ANO3: variants seen among roughly 807,000 people sequenced by gnomAD.
ANO3 encodes the protein anoctamin-3.
ANO3 carries 99 observed loss-of-function variants against 144.8 expected under a neutral mutation model. The ratio of observed to expected loss-of-function variants is 0.68; its 90% confidence interval spans 0.58 to 0.81. ANO3 has a LOEUF of 0.81. Ranked by LOEUF, ANO3 falls within the 30% of genes least tolerant of loss-of-function variation. The pLI is 0.00. For missense variants in ANO3, 905 were observed against 1,202.2 expected, an observed-to-expected ratio of 0.75 and a Z score of 3.66; for synonymous variants, 414 against 392.6, an observed-to-expected ratio of 1.05 and a Z score of -0.64.
intron 14 of ANO3, among the ~76,000 whole-genome samples, chr11:26,581,070 A>C (rs1294150267): frequency 1.3e-5 from 2 of 152,202 alleles, no homozygotes; most frequent in Non-Finnish European, 2.9e-5. Flanking sequence ...ATTCCAAATT[A>C]TGTTTGAAAT....
At position 26,656,514 on chromosome 11, in the gene ANO3, G is replaced by A. The variant is rs377661483; in HGVS notation, c.2763+33G>A. On this transcript the variant is annotated intron_variant, in intron 26 of 26. Coordinates refer to ENST00000256737, the MANE Select transcript of ANO3 (RefSeq NM_031418.4). The stretch of plus-strand genomic sequence containing the variant: ...ACAAGCTGAGATGAAAATTACTATA[G>A]ATAAATGCTTTTCTAAATGATTTAT... 65 of 1,324,064 alleles carry A rather than the reference G, an allele frequency of 4.9e-5. No homozygotes were observed. The African/African-American group carries it at 7.8e-4, about 16-fold the overall frequency. The allele number at this position is 1,324,064 out of a possible 1,614,324, so 82.0% of individuals were successfully genotyped here.
chr11:26,268,984 G>A (rs1853377649), intron 1 of ANO3, among the ~76,000 whole-genome samples: 4 of 152,274 alleles, frequency 2.6e-5, no homozygotes, highest in East Asian at 3.9e-4. Flanking sequence ...AGTCTTAGGG[G>A]AGGTTCCCTC....
At chr11:26,653,035 TA>T (rs1853580447) in intron 24 of ANO3, among the ~76,000 whole-genome samples, 1 of 152,234 alleles carries the variant, frequency 6.6e-6, no homozygotes, top group African/African-American at 2.4e-5. Flanking sequence ...CTCTCAGCTT[TA>T]GTTTTGGAGT....
intron 14 of ANO3, among the ~76,000 whole-genome samples, chr11:26,584,165 TTG>T (rs965088760): frequency 1.3e-5 from 2 of 151,476 alleles, no homozygotes; most frequent in African/African-American, 4.8e-5. Flanking sequence ...GTTTGTTTGT[TTG>T]TTTGTTTGTT....
intron 4 of ANO3, among the ~76,000 whole-genome samples, chr11:26,475,311 G>T (rs558344284): frequency 6.6e-6 from 1 of 151,910 alleles, no homozygotes; most frequent in East Asian, 1.9e-4. Context: ...GTTAACTAAG[G>T]TCAGATAGCT....
rs189496103 is a variant in ANO3 at position 26,295,344 on chromosome 11, C to T, written c.155-14301C>T. 1.4e-3 allele frequency among the ~76,000 whole-genome samples: 207 copies of T among 151,428 alleles called. 2 individuals are homozygous for T. Among genetic ancestry groups the T allele is most frequent in the African/African-American group, 4.6e-3 (192 of 41,308 alleles). On this transcript the variant is annotated intron_variant, in intron 1 of 27. Coordinates refer to the ANO3 transcript ENST00000672621. Reference sequence around the variant, plus strand: ...CCATCCTGGCTAACACGGTAAAACCCCGTCTCTACTAAAAATAAAAATAAA... The same window carrying T: ...CCATCCTGGCTAACACGGTAAAACCTCGTCTCTACTAAAAATAAAAATAAA...
chr11:26,559,945 G>T, intron 14 of ANO3, 166 bp downstream of exon 14: 2 of 508,510 alleles, frequency 3.9e-6, no homozygotes, highest in Non-Finnish European at 7.0e-6. Flanking sequence ...TATATTCAGT[G>T]CTTCTTTAGG....
intron 6 of ANO3, among the ~76,000 whole-genome samples, chr11:26,518,970 T>C (rs1861964477): frequency 6.6e-6 from 1 of 152,128 alleles, no homozygotes; most frequent in Admixed American, 6.6e-5. Context: ...TGCATTAATG[T>C]AAACACAGGA....
intron 1 of ANO3, among the ~76,000 whole-genome samples, chr11:26,383,249 C>A (rs1856635171): frequency 6.6e-6 from 1 of 152,100 alleles, no homozygotes; most frequent in Admixed American, 6.6e-5. Flanking sequence ...ATTAATTTTA[C>A]AAGCTCTGGC....
intron 1 of ANO3, among the ~76,000 whole-genome samples, chr11:26,313,107 G>T (rs1235266268): frequency 2.0e-5 from 3 of 152,018 alleles, no homozygotes; most frequent in African/African-American, 7.2e-5. Flanking sequence ...TTATTCGTTG[G>T]ATAAAAGGTG....
intron 14 of ANO3, among the ~76,000 whole-genome samples, chr11:26,564,708 C>A (rs1284476622): frequency 1.5e-5 from 1 of 68,850 alleles, no homozygotes; most frequent in Non-Finnish European, 2.7e-5. Flanking sequence ...CACACACACA[C>A]ACACACACAC....
chr11:26,626,183 G>A (rs1443087299), intron 18 of ANO3, among the ~76,000 whole-genome samples: 1 of 152,262 alleles, frequency 6.6e-6, no homozygotes, highest in South Asian at 2.1e-4. Flanking sequence ...TCACAATGAT[G>A]TACTTTGGTG....
intron 1 of ANO3, among the ~76,000 whole-genome samples, chr11:26,404,320 T>C (rs1183382573): frequency 1.3e-5 from 2 of 151,878 alleles, no homozygotes; most frequent in Admixed American, 6.6e-5. Context: ...AGACTCCATA[T>C]TGATCTAAGA....
At chr11:26,521,425 C>T (rs938161601) in intron 6 of ANO3, among the ~76,000 whole-genome samples, 2 of 152,086 alleles carry the variant, frequency 1.3e-5, no homozygotes, top group Non-Finnish European at 2.9e-5. Context: ...TTTCTTCCTC[C>T]TTCTGTCATA....
intron 1 of ANO3, among the ~76,000 whole-genome samples, chr11:26,296,345 G>A (rs772358890): frequency 1.3e-4 from 20 of 150,928 alleles, no homozygotes; most frequent in Non-Finnish European, 2.6e-4. Flanking sequence ...GAGATGCTCC[G>A]GCTTATCCTG....
intron 3 of ANO3, among the ~76,000 whole-genome samples, chr11:26,451,868 G>A (rs899631775): frequency 2.0e-5 from 3 of 152,100 alleles, no homozygotes; most frequent in East Asian, 1.9e-4. Context: ...TCACATGGCC[G>A]GGTACTCCTC....
chr11:26,459,167 G>A (rs1859275943), intron 3 of ANO3, among the ~76,000 whole-genome samples: 1 of 152,106 alleles, frequency 6.6e-6, no homozygotes, highest in Non-Finnish European at 1.5e-5. Context: ...TAGAGCTGTA[G>A]GAGCTGGACA....
At chr11:26,365,505 T>C (rs1856043458) in intron 1 of ANO3, among the ~76,000 whole-genome samples, 1 of 152,250 alleles carries the variant, frequency 6.6e-6, no homozygotes, top group South Asian at 2.1e-4. Flanking sequence ...GGCTTCTGCC[T>C]GGATATCCAT....
intron 1 of ANO3, among the ~76,000 whole-genome samples, chr11:26,248,155 T>C (rs1010411717): frequency 2.0e-5 from 3 of 151,838 alleles, no homozygotes; most frequent in African/African-American, 7.2e-5. Context: ...CTGGCCAACA[T>C]AGTGAAACCC....
Sources: allele counts gnomAD v4.1 joint callset (sites outside exome capture counted in the v4.1 genomes callset), GRCh38; gene constraint gnomAD v4.1.1; transcripts MANE v1.5; gene names NCBI Gene and HGNC (gene_info 2026-07-23, HGNC 2026-07-21).